The following EDA variants were observed in gnomAD, a reference collection of about 807,000 sequenced individuals.
EDA encodes the protein ectodysplasin-A.
A neutral mutation model predicts 23.6 loss-of-function variants in EDA; 2 were observed. The observed-to-expected ratio is 0.08, with a 90% confidence interval of 0.03 to 0.27. The LOEUF (loss-of-function observed/expected upper bound fraction) is 0.27. Ranked by LOEUF, EDA falls within the 10% of genes least tolerant of loss-of-function variation. EDA has a pLI of 1.00. For synonymous variants in EDA, 131 were observed against 132.0 expected, an observed-to-expected ratio of 0.99 and a Z score of 0.05; for missense variants, 229 against 324.2, an observed-to-expected ratio of 0.71 and a Z score of 2.26.
intron 2 of EDA, among the ~76,000 whole-genome samples, chrX:69,961,031 A>G (rs78528591): frequency 0.27 from 28,138 of 103,340 alleles, 3,860 homozygotes; most frequent in Middle Eastern, 0.47. Context: ...AAAAGAAAAA[A>G]AAAGAAAGAA....
chrX:69,746,833 A>G (rs981864553), intron 1 of EDA, among the ~76,000 whole-genome samples: 7 of 111,315 alleles, frequency 6.3e-5, no homozygotes, highest in Non-Finnish European at 1.1e-4. Flanking sequence ...GCCTCTAGGG[A>G]TGGGATGAAG....
At chrX:69,757,199 A>G (rs1470225786) in intron 1 of EDA, among the ~76,000 whole-genome samples, 3 of 111,365 alleles carry the variant, frequency 2.7e-5, no homozygotes, top group African/African-American at 9.8e-5. Context: ...CATTCTTCTG[A>G]ATGTATCCCA....
chrX:69,697,564 T>C (rs1259639454), intron 1 of EDA, among the ~76,000 whole-genome samples: 3 of 112,050 alleles, frequency 2.7e-5, no homozygotes, highest in Non-Finnish European at 3.8e-5. Context: ...GACGGGTTGG[T>C]GTCCATCGTG....
intron 2 of EDA, among the ~76,000 whole-genome samples, chrX:69,984,072 C>T (rs1254490639): frequency 8.4e-5 from 7 of 83,772 alleles, no homozygotes; most frequent in African/African-American, 2.9e-4. Flanking sequence ...TTGAAACCAA[C>T]GAGAACAAAG....
intron 1 of EDA, among the ~76,000 whole-genome samples, chrX:69,943,803 C>T (rs1459858169): frequency 9.1e-6 from 1 of 110,098 alleles, no homozygotes; most frequent in African/African-American, 3.3e-5. Context: ...CGATGCCATC[C>T]AGGAGCCAGA....
rs1377118064 is a variant in EDA, at chrX:69,616,410, G to A, written c.102G>A (p.Ala34=). ...GCGCGGAPAR[A]GEGNSCLLFL... ...GGTGTGGCGGGGCCCCTGCCCGGGC[G>A]GGCGAAGGGAACAGCTGCCTGCTCT... is the stretch of plus-strand genomic sequence containing the variant. The change falls in exon 1 of 8, where the codon GCG becomes GCA. Residue 34 remains alanine, a synonymous_variant. Coordinates refer to ENST00000374552, the MANE Select transcript of EDA (RefSeq NM_001399.5). 4 of 1,207,843 alleles carry A rather than the reference G, an allele frequency of 3.3e-6. No individual in the cohort carries two copies. The African/African-American group carries it at 7.0e-5, about 21-fold the overall frequency.
At chrX:69,706,241 C>G (rs1463168090) in intron 1 of EDA, among the ~76,000 whole-genome samples, 1 of 111,749 alleles carries the variant, frequency 8.9e-6, no homozygotes, top group Non-Finnish European at 1.9e-5. Flanking sequence ...CTATGCCAGC[C>G]TAGGATACAT....
At chrX:69,732,056 A>C (rs1044400415) in intron 1 of EDA, among the ~76,000 whole-genome samples, 2 of 109,295 alleles carry the variant, frequency 1.8e-5, no homozygotes, top group African/African-American at 6.6e-5. Context: ...TTGACATGGT[A>C]ATCTGTTACA....
At chrX:69,733,608 C>T (rs1251182247) in intron 1 of EDA, among the ~76,000 whole-genome samples, 1 of 108,274 alleles carries the variant, frequency 9.2e-6, no homozygotes, top group African/African-American at 3.4e-5. Context: ...TCCATATGAA[C>T]TTTAAAGTAG....
At chrX:69,671,848 C>G (rs1569290373) in intron 1 of EDA, among the ~76,000 whole-genome samples, 1 of 112,092 alleles carries the variant, frequency 8.9e-6, no homozygotes. Flanking sequence ...CTTTGGCCAT[C>G]TTGCTAATGT....
chrX:69,667,836 G>T (rs1010568615), intron 1 of EDA, among the ~76,000 whole-genome samples: 1 of 112,387 alleles, frequency 8.9e-6, no homozygotes. Flanking sequence ...CCTTCTTGCT[G>T]TGTCACTCCA....
chrX:69,660,978 C>G (rs1933479414), intron 1 of EDA, among the ~76,000 whole-genome samples: 1 of 111,052 alleles, frequency 9.0e-6, no homozygotes, highest in Admixed American at 9.6e-5. Context: ...TAAAAGTGTT[C>G]CTATTTTTCC....
chrX:69,634,026 T>G (rs775702533), intron 1 of EDA, among the ~76,000 whole-genome samples: 9 of 112,239 alleles, frequency 8.0e-5, no homozygotes, highest in Admixed American at 4.7e-4. Flanking sequence ...CCAACGCTTG[T>G]TGTGATCTTT....
intron 1 of EDA, among the ~76,000 whole-genome samples, chrX:69,778,311 A>G (rs1377289886): frequency 9.0e-6 from 1 of 111,671 alleles, no homozygotes; most frequent in Non-Finnish European, 1.9e-5. Flanking sequence ...ACCAACAGTA[A>G]ATGAAAGGAA....
At position 69,749,922 on chromosome X, in the gene EDA, C is replaced by CTTTTTTTT. The variant is rs1569317439; in HGVS notation, c.396+133238_396+133245dup. Among the ~76,000 whole-genome samples, 47 of 33,261 alleles carry CTTTTTTTT rather than the reference C, an allele frequency of 1.4e-3. 16 individuals carry two copies. The highest frequency in any genetic ancestry group is 2.4e-3 in the African/African-American group (29 of 12,213). The allele number at this position is 33,261 out of a possible 115,157, so 28.9% of individuals were successfully genotyped here. On this transcript the variant is annotated intron_variant, in intron 1 of 7. Transcript: ENST00000374552. The stretch of plus-strand genomic sequence containing the variant: ...TTAGAAACTTCCTCTCACTAAGGTT[C>CTTTTTTTT]TTTTTTTTTTTTTTTTTTTTTTTTT...
chrX:69,920,664 C>CTA (rs946826278), intron 1 of EDA, among the ~76,000 whole-genome samples: 12 of 110,357 alleles, frequency 1.1e-4, no homozygotes, highest in Non-Finnish European at 2.1e-4. Flanking sequence ...AAGGTACATA[C>CTA]TATCTTCAAC....
At chrX:69,852,207 G>A (rs747276427) in intron 1 of EDA, among the ~76,000 whole-genome samples, 2 of 111,274 alleles carry the variant, frequency 1.8e-5, no homozygotes, top group African/African-American at 3.3e-5. Context: ...TCAGCTCACC[G>A]CAACCTCCGC....
At chrX:69,995,633 C>T (rs1231649371) in intron 2 of EDA, among the ~76,000 whole-genome samples, 1 of 112,261 alleles carries the variant, frequency 8.9e-6, no homozygotes, top group Non-Finnish European at 1.9e-5. Flanking sequence ...GACTTCATTC[C>T]TTGGAATGGG....
At chrX:69,902,177 T>C (rs1266874930) in intron 1 of EDA, among the ~76,000 whole-genome samples, 3 of 31,999 alleles carry the variant, frequency 9.4e-5, no homozygotes, top group African/African-American at 1.6e-4. Context: ...CATGCATGAA[T>C]TGTCCGTTTG....
Sources: allele counts gnomAD v4.1 joint callset (sites outside exome capture counted in the v4.1 genomes callset), GRCh38; gene constraint gnomAD v4.1.1; transcripts MANE v1.5; gene names NCBI Gene and HGNC (gene_info 2026-07-23, HGNC 2026-07-21).